CHL1: variants seen among roughly 807,000 people sequenced by gnomAD.
The protein encoded by CHL1 is cell adhesion molecule L1 like, also known as neural cell adhesion molecule L1-like protein.
CHL1 carries 96 observed loss-of-function variants against 141.9 expected under a neutral mutation model. That is an observed-to-expected ratio of 0.68 (90% CI 0.57 to 0.80). The LOEUF (loss-of-function observed/expected upper bound fraction) is 0.80. Ranked by LOEUF, CHL1 falls within the 30% of genes least tolerant of loss-of-function variation. The pLI is 0.00. For missense variants in CHL1, 1,820 were observed against 1,457.2 expected (o/e 1.25, Z -4.05); for synonymous variants, 613 against 502.2 (o/e 1.22, Z -2.95).
chr3:365,255 T>C (rs537642629), intron 14 of CHL1, among the ~76,000 whole-genome samples: 1 of 152,352 alleles, frequency 6.6e-6, no homozygotes, highest in Admixed American at 6.5e-5. Context: ...GAAACAATCA[T>C]AATGAACCAA....
chr3:358,216 C>T (rs539966542), intron 11 of CHL1, among the ~76,000 whole-genome samples: 3 of 152,238 alleles, frequency 2.0e-5, no homozygotes, highest in African/African-American at 2.4e-5. Context: ...AGCATTCCTT[C>T]GTTTGCCTTT....
chr3:356,548 A>G (rs1474750672), intron 11 of CHL1, among the ~76,000 whole-genome samples: 1 of 152,212 alleles, frequency 6.6e-6, no homozygotes, highest in South Asian at 2.1e-4. Context: ...GTGATAAAGC[A>G]GAAAATAGCT....
chr3:262,692 A>G (rs1008782936), intron 2 of CHL1, among the ~76,000 whole-genome samples: 20 of 152,242 alleles, frequency 1.3e-4, no homozygotes, highest in Admixed American at 3.9e-4. Flanking sequence ...TAAAGCAGGA[A>G]AGCCTTGCTC....
intron 2 of CHL1, among the ~76,000 whole-genome samples, chr3:301,905 G>T (rs1026640677): frequency 6.6e-6 from 1 of 152,016 alleles, no homozygotes; most frequent in Non-Finnish European, 1.5e-5. Flanking sequence ...CCCCAGCACC[G>T]CACCGCCAAC....
chr3:369,587 AT>A (rs1419561431), intron 15 of CHL1, among the ~76,000 whole-genome samples: 1 of 152,108 alleles, frequency 6.6e-6, no homozygotes, highest in African/African-American at 2.4e-5. Flanking sequence ...AATACCCTTT[AT>A]TTTTTTCTTT....
At chr3:293,541 C>T (rs1697902313) in intron 2 of CHL1, among the ~76,000 whole-genome samples, 1 of 151,996 alleles carries the variant, frequency 6.6e-6, no homozygotes, top group South Asian at 2.1e-4. Flanking sequence ...AATCTTTCCC[C>T]CTGTATTTCT....
chr3:326,139 CA>C, intron 4 of CHL1, 75 bp downstream of exon 4: 1 of 861,482 alleles, frequency 1.2e-6, no homozygotes, highest in South Asian at 1.7e-5. Context: ...CTTACCATCA[CA>C]AGCCTGTTGG....
At chr3:335,181 T>C (rs904158450) in intron 5 of CHL1, among the ~76,000 whole-genome samples, 2 of 152,216 alleles carry the variant, frequency 1.3e-5, no homozygotes, top group African/African-American at 4.8e-5. Flanking sequence ...AACCTGGATG[T>C]TGTAGCCTGT....
rs1217001462 is a variant in CHL1, at chr3:289,963, C to T, written c.-94-29720C>T. ...TTTTTTTTTTTTTTTGAGATGGAGT[C>T]TCACTCTATCACCCAGGGTGGAGTG... On this transcript the variant is annotated intron_variant, in intron 2 of 27. Coordinates refer to ENST00000256509, the MANE Select transcript of CHL1 (RefSeq NM_006614.4). Among the ~76,000 whole-genome samples the T allele has an allele frequency of 5.2e-5, 6 of 115,302 alleles. No individual in the cohort carries two copies. The Admixed American group carries it at 6.5e-4, about 12-fold the overall frequency. The allele number at this position is 115,302 out of a possible 152,430, so 75.6% of individuals were successfully genotyped here. A position where few individuals can be genotyped will look rare whatever the true frequency, so the allele number is the denominator to read the frequency against.
Position 381,938 on chromosome 3 carries a change from A to G in CHL1, c.1877-241A>G, listed in dbSNP as rs9681315. On this transcript the variant is annotated intron_variant, in intron 16 of 27. Transcript: ENST00000256509. ...TCCAGCTTCCTTGGCTATTGTTTAA[A>G]GCTACTATTACCTCCGTTCTTATCA... Among the ~76,000 whole-genome samples the G allele has an allele frequency of 0.029, 4,405 of 151,414 alleles. 221 individuals are homozygous for G. The highest frequency in any genetic ancestry group is 0.1 in the African/African-American group (4,188 of 41,216).
At chr3:233,800 T>C (rs1403760544) in intron 1 of CHL1, among the ~76,000 whole-genome samples, 1 of 152,062 alleles carries the variant, frequency 6.6e-6, no homozygotes, top group Non-Finnish European at 1.5e-5. Flanking sequence ...ATTCTACATA[T>C]TTAATTATTT....
intron 5 of CHL1, among the ~76,000 whole-genome samples, chr3:330,547 A>G (rs1701353623): frequency 6.6e-6 from 1 of 152,156 alleles, no homozygotes. Context: ...TAGTGAAAGT[A>G]TCCATATTTA....
At chr3:332,811 C>A (rs1214303334) in intron 5 of CHL1, among the ~76,000 whole-genome samples, 1 of 151,974 alleles carries the variant, frequency 6.6e-6, no homozygotes, top group African/African-American at 2.4e-5. Context: ...TAAGTTAAGA[C>A]CAGAGAAAAG....
chr3:358,035 G>T (rs918997498), intron 11 of CHL1, among the ~76,000 whole-genome samples: 1 of 152,144 alleles, frequency 6.6e-6, no homozygotes, highest in Admixed American at 6.5e-5. Flanking sequence ...GTGATAAATT[G>T]TTCAACAGGA....
At chr3:387,535 ATTAT>A (rs1354976344) in intron 19 of CHL1, among the ~76,000 whole-genome samples, 1 of 152,180 alleles carries the variant, frequency 6.6e-6, no homozygotes, top group Non-Finnish European at 1.5e-5. Context: ...GTTATGGTTT[ATTAT>A]TTATTTATTT....
chr3:246,397 G>A (rs1205587688), intron 2 of CHL1, among the ~76,000 whole-genome samples: 1 of 151,986 alleles, frequency 6.6e-6, no homozygotes. Flanking sequence ...GGTGATTGAT[G>A]AAATCATTAT....
intron 16 of CHL1, among the ~76,000 whole-genome samples, chr3:381,478 T>C (rs956787360): frequency 7.2e-5 from 11 of 152,134 alleles, no homozygotes; most frequent in Non-Finnish European, 1.6e-4. Context: ...GTGAAGGTAT[T>C]TAAAAGCAGG....
chr3:246,704 C>G (rs1446422857), intron 2 of CHL1: 3 of 152,086 alleles, frequency 2.0e-5, no homozygotes, highest in Non-Finnish European at 4.4e-5. Flanking sequence ...TTTCAACACC[C>G]AAATTTATCT....
intron 1 of CHL1, among the ~76,000 whole-genome samples, chr3:242,608 TAAA>T (rs1285534164): frequency 2.0e-5 from 3 of 150,650 alleles, no homozygotes; most frequent in African/African-American, 4.9e-5. Context: ...AATAAATAAA[TAAA>T]ATAAAATAAA....
Sources: gnomAD v4.1 joint callset for allele counts (sites outside exome capture counted in the v4.1 genomes callset) on GRCh38, gnomAD v4.1.1 for gene constraint, MANE v1.5 for transcripts, NCBI Gene and HGNC (gene_info 2026-07-23, HGNC 2026-07-21) for gene names.